Variants in TMEM131 observed in about 807,000 individuals in gnomAD.
TMEM131 encodes transmembrane protein 131, also known as 2610524E03Rik.
Under a neutral mutation model 211.6 loss-of-function variants are expected in TMEM131, and 66 were observed. That is an observed-to-expected ratio of 0.31 (90% CI 0.26 to 0.38). The LOEUF is 0.38. TMEM131 is among the 10% of genes least tolerant of loss of function. The pLI, the probability that TMEM131 is intolerant of heterozygous loss-of-function variation, is 1.00. For missense variants in TMEM131, 2,036 were observed against 2,299.3 expected, an observed-to-expected ratio of 0.89 and a Z score of 2.34; for synonymous variants, 844 against 841.3, an observed-to-expected ratio of 1.00 and a Z score of -0.06.
chr2:97,889,803 A>T (rs1320780521), intron 3 of TMEM131, among the ~76,000 whole-genome samples: 1 of 152,170 alleles, frequency 6.6e-6, no homozygotes, highest in African/African-American at 2.4e-5. Context: ...AATGTTTACT[A>T]TATGCCAGTT....
intron 1 of TMEM131, among the ~76,000 whole-genome samples, chr2:97,962,373 G>A (rs1425143501): frequency 1.3e-5 from 2 of 152,058 alleles, no homozygotes; most frequent in South Asian, 2.1e-4. Flanking sequence ...GCGTGGTGGC[G>A]GGTGTCTGTA....
chr2:97,812,811 G>A, intron 15 of TMEM131, 62 bp from the exon 16 acceptor site: 1 of 933,340 alleles, frequency 1.1e-6, no homozygotes, highest in East Asian at 2.5e-5. Context: ...ATATTATGAA[G>A]AGAAAGTAAC....
chr2:97,832,276 T>A (rs1304383885), intron 11 of TMEM131, among the ~76,000 whole-genome samples: 2 of 152,214 alleles, frequency 1.3e-5, no homozygotes, highest in African/African-American at 4.8e-5. Flanking sequence ...TAATTGCCAA[T>A]TTCATTTTCC....
Position 97,775,895 on chromosome 2 carries a change from G to C in TMEM131, c.4268C>G (p.Ser1423Cys). ...GTTGGAGGTCTCTGTGGTGGTGGAG[G>C]AGCTATCATCATCAGCCAAAGAGTC... ...LKDSLADDDS[S>C]STTTETSNPD... is the part of the protein sequence containing the mutation. The change falls in exon 32 of 41, where the codon TCC becomes TGC. Residue 1423 changes from serine (S) to cysteine (C), a missense_variant. Ser to Cys is a moderately radical substitution (Grantham distance 112). Transcript: ENST00000186436. The C allele has an allele frequency of 1.2e-6, 2 of 1,613,924 alleles. No homozygotes were observed. The highest frequency in any genetic ancestry group is 1.7e-6 in the Non-Finnish European group (2 of 1,179,854).
chr2:97,989,613 G>GT (rs1157518225), intron 1 of TMEM131, among the ~76,000 whole-genome samples: 1 of 151,962 alleles, frequency 6.6e-6, no homozygotes, highest in East Asian at 1.9e-4. Context: ...TTTGTTATGT[G>GT]TTTTTTTCAC....
At chr2:97,939,719 G>GA (rs1677628058) in intron 1 of TMEM131, among the ~76,000 whole-genome samples, 1 of 150,710 alleles carries the variant, frequency 6.6e-6, no homozygotes, top group Non-Finnish European at 1.5e-5. Context: ...AGAGACACAG[G>GA]AAAAAAAGAA....
chr2:97,984,940 A>G (rs1004378214), intron 1 of TMEM131, among the ~76,000 whole-genome samples: 8 of 152,100 alleles, frequency 5.3e-5, no homozygotes, highest in African/African-American at 1.9e-4. Flanking sequence ...CTAGAGGGAA[A>G]ACAGACATGG....
chr2:97,802,233 T>C (rs7595039), intron 24 of TMEM131, among the ~76,000 whole-genome samples, 195 bp downstream of exon 24: 52,617 of 152,100 alleles, frequency 0.35, 10,030 homozygotes, highest in Middle Eastern at 0.49. Context: ...TTTCTTGCCT[T>C]ATATTGAAAG....
At position 97,837,147 on chromosome 2, in the gene TMEM131, A is replaced by G. The variant is rs1249288947; in HGVS notation, c.734T>C (p.Met245Thr). ...GTGAAGGTCTCCTCCACTAGAGTACATTTCTACAACCTGGGGCAAAAGAGC... is the reference window on the plus strand; with the variant it reads ...GTGAAGGTCTCCTCCACTAGAGTACGTTTCTACAACCTGGGGCAAAAGAGC... ...PHSEPLQVVE[M>T]YSSGGDLHLE... The change falls in exon 8 of 41, where the codon ATG becomes ACG. Residue 245 changes from methionine (M) to threonine (T), a missense_variant. Coordinates refer to ENST00000186436, the MANE Select transcript of TMEM131 (RefSeq NM_015348.2). The G allele has an allele frequency of 6.3e-7, 1 of 1,595,118 alleles. No individual in the cohort carries two copies. The highest frequency in any genetic ancestry group is 8.5e-7 in the Non-Finnish European group (1 of 1,173,890).
chr2:97,809,778 T>C lies in TMEM131; in HGVS notation c.1969-4A>G. 6.3e-7 allele frequency: 1 copy of C among 1,595,550 alleles called. No individual in the cohort carries two copies. The highest frequency in any genetic ancestry group is 8.5e-7 in the Non-Finnish European group (1 of 1,170,140). ...CCTTCACAGGGATTGTCAGGATCTG[T>C]GAAGTCAAGAAGATGATGATAGATA... On this transcript the variant is annotated splice_polypyrimidine_tract_variant and splice_region_variant and intron_variant, in intron 18 of 40. Transcript: ENST00000186436.
chr2:97,984,172 G>A (rs531790781), intron 1 of TMEM131, among the ~76,000 whole-genome samples: 1 of 152,088 alleles, frequency 6.6e-6, no homozygotes, highest in African/African-American at 2.4e-5. Context: ...TTATATACCA[G>A]TACTTATTCT....
chr2:97,897,914 C>T (rs1675683349), intron 3 of TMEM131, among the ~76,000 whole-genome samples: 1 of 152,118 alleles, frequency 6.6e-6, no homozygotes, highest in Non-Finnish European at 1.5e-5. Context: ...AACTAATTTT[C>T]TAATTCTCTC....
At chr2:97,976,721 T>C (rs1679551930) in intron 1 of TMEM131, among the ~76,000 whole-genome samples, 1 of 152,092 alleles carries the variant, frequency 6.6e-6, no homozygotes, top group Admixed American at 6.6e-5. Flanking sequence ...CAGAACAAAG[T>C]TGGTGAACTG....
Position 97,793,437 on chromosome 2 carries a change from G to A in TMEM131, c.3503C>T (p.Pro1168Leu). ...ACCAACGATTCTCCTGAGATCAAATGGCCTTCCCACATCGAAGGGCGGGTT... is the reference window on the plus strand; with the variant it reads ...ACCAACGATTCTCCTGAGATCAAATAGCCTTCCCACATCGAAGGGCGGGTT... ...ASNPPFDVGR[P>L]FDLRRIVGIS... The change falls in exon 30 of 41, where the codon CCA becomes CTA. Residue 1168 changes from proline (P) to leucine (L), a missense_variant. Pro to Leu is a moderately conservative substitution (Grantham distance 98, BLOSUM62 -3). Transcript: ENST00000186436. 6.2e-7 allele frequency: 1 copy of A among 1,613,852 alleles called. No individual in the cohort carries two copies. Among genetic ancestry groups the A allele is most frequent in the Non-Finnish European group, 8.5e-7 (1 of 1,179,854 alleles).
intron 2 of TMEM131, among the ~76,000 whole-genome samples, chr2:97,913,876 C>A (rs547395670): frequency 6.6e-6 from 1 of 152,228 alleles, no homozygotes; most frequent in East Asian, 1.9e-4. Context: ...ACATACTGGG[C>A]AGCTTTCCCC....
At chr2:97,804,827 A>T (rs2104936760) in intron 22 of TMEM131, among the ~76,000 whole-genome samples, 1 of 152,226 alleles carries the variant, frequency 6.6e-6, no homozygotes, top group South Asian at 2.1e-4. Flanking sequence ...CCTACATAAG[A>T]ACAACTTCAA....
In TMEM131 at chr2:97,881,732, G is replaced by GGC. The variant is rs1573503542; in HGVS notation, c.359+6318_359+6319dup. On this transcript the variant is annotated intron_variant, in intron 4 of 40. Transcript: ENST00000186436. ...CAAAAAAAAAAAAAAAAGGGGGGGG[G>GGC]GCGGGGGAGGTAGATGTTGAATAGG... 3.8e-5 allele frequency among the ~76,000 whole-genome samples: 5 copies of GGC among 130,704 alleles called. No individual in the cohort carries two copies. In the East Asian group the frequency reaches 1.4e-3, roughly 35 times the overall value. 85.7% of individuals were successfully genotyped at this position (130,704 alleles called of 152,430 possible).
chr2:97,770,603 A>G (rs1235779628), intron 33 of TMEM131, among the ~76,000 whole-genome samples: 1 of 152,204 alleles, frequency 6.6e-6, no homozygotes, highest in East Asian at 1.9e-4. Flanking sequence ...CTAACTTTTC[A>G]AATGCAAATT....
intron 1 of TMEM131, among the ~76,000 whole-genome samples, chr2:97,940,508 A>C (rs1438839029): frequency 6.6e-6 from 1 of 152,164 alleles, no homozygotes; most frequent in Non-Finnish European, 1.5e-5. Context: ...TGCTCAGTGA[A>C]ATAAAAGAGG....
Sources: gnomAD v4.1 joint callset for allele counts (sites outside exome capture counted in the v4.1 genomes callset) on GRCh38, gnomAD v4.1.1 for gene constraint, MANE v1.5 for transcripts, NCBI Gene and HGNC (gene_info 2026-07-23, HGNC 2026-07-21) for gene names.